Variants in HFM1 observed in about 807,000 individuals in gnomAD.
HFM1 encodes the protein probable ATP-dependent DNA helicase HFM1.
Under a neutral mutation model 192.1 loss-of-function variants are expected in HFM1, and 169 were observed. That is an observed-to-expected ratio of 0.88 (90% CI 0.78 to 1.00). The LOEUF is 1.00. Among genes scored for constraint, HFM1 ranks in the 50% least tolerant of loss-of-function variants. The probability of loss-of-function intolerance (pLI) is 0.00; values close to 1 mark genes in which losing one functional copy is unlikely to be tolerated. For synonymous variants in HFM1, 525 were observed against 537.8 expected (o/e 0.98, Z 0.33); for missense variants, 1,661 against 1,668.0 (o/e 1.00, Z 0.07).
chr1:91,357,358 C>A (rs1247773635), intron 13 of HFM1, among the ~76,000 whole-genome samples: 1 of 152,016 alleles, frequency 6.6e-6, no homozygotes, highest in East Asian at 1.9e-4. Context: ...AACACAAGAC[C>A]ATCTCAATTG....
intron 20 of HFM1, among the ~76,000 whole-genome samples, chr1:91,340,468 T>C (rs1655177034): frequency 1.3e-5 from 2 of 152,176 alleles, no homozygotes; most frequent in Admixed American, 6.5e-5. Flanking sequence ...GTACTAAACA[T>C]AGAAATGAAA....
chr1:91,403,666 A>G (rs1664543807), intron 1 of HFM1, among the ~76,000 whole-genome samples: 1 of 152,204 alleles, frequency 6.6e-6, no homozygotes, highest in Non-Finnish European at 1.5e-5. Flanking sequence ...ACAATAAACA[A>G]TATCATCCCA....
chr1:91,282,370 T>A (rs974537216), intron 30 of HFM1, among the ~76,000 whole-genome samples: 1 of 152,208 alleles, frequency 6.6e-6, no homozygotes, highest in African/African-American at 2.4e-5. Flanking sequence ...TGGTTGCAAT[T>A]TAATCTTTAA....
chr1:91,303,069 T>A (rs754079718), intron 30 of HFM1, among the ~76,000 whole-genome samples: 1 of 152,120 alleles, frequency 6.6e-6, no homozygotes, highest in African/African-American at 2.4e-5. Flanking sequence ...ATTCAGTGGG[T>A]TTTTAGTATA....
chr1:91,278,942 CAT>C (rs931022491), intron 30 of HFM1, among the ~76,000 whole-genome samples: 11 of 151,960 alleles, frequency 7.2e-5, no homozygotes, highest in African/African-American at 2.7e-4. Flanking sequence ...TCTCAAGAAA[CAT>C]AAAAAATAAT....
chr1:91,285,066 G>A (rs549339453), intron 30 of HFM1, among the ~76,000 whole-genome samples: 3 of 152,026 alleles, frequency 2.0e-5, no homozygotes, highest in Non-Finnish European at 4.4e-5. Flanking sequence ...CTTTCGGCTG[G>A]CTCTCATTCT....
Position 91,385,715 on chromosome 1 carries a change from T to C in HFM1, c.614A>G (p.Asn205Ser), listed in dbSNP as rs1167895264. The C allele has an allele frequency of 1.2e-6, 2 of 1,612,810 alleles. No homozygotes were observed. Among genetic ancestry groups the C allele is most frequent in the South Asian group, 1.1e-5 (1 of 91,046 alleles). Residue 205 changes from asparagine (N) to serine (S), a missense_variant, in exon 5 of 39, where the codon AAC (asparagine) becomes AGC (serine). Coordinates refer to ENST00000370425, the MANE Select transcript of HFM1 (RefSeq NM_001017975.6). The stretch of plus-strand genomic sequence containing the variant: ...AAATTTTTGCTTACTATTGCTATAG[T>C]TCCTTGATTTCCCTTTGTTCATTTC... ...QTEMNKGKSR[N>S]YSNSKQKFQY...
chr1:91,336,353 C>T (rs1307956305), intron 20 of HFM1, among the ~76,000 whole-genome samples: 1 of 151,434 alleles, frequency 6.6e-6, no homozygotes, highest in Non-Finnish European at 1.5e-5. Context: ...CTCTGCCCCA[C>T]CATGTTCCCT....
intron 34 of HFM1, among the ~76,000 whole-genome samples, chr1:91,268,379 C>A (rs1160476582): frequency 6.6e-6 from 1 of 151,888 alleles, no homozygotes; most frequent in South Asian, 2.1e-4. Context: ...GCTAAAAAAT[C>A]CTCAGTGTTA....
chr1:91,316,203 T>C lies in HFM1; in HGVS notation c.2899-19A>G, dbSNP rs1448430954. ...TTAAAATCTAAAAATATTTACATCA[T>C]TATATTCTTACCACAACACTTGAAA... On this transcript the variant is annotated intron_variant, in intron 26 of 38. Coordinates refer to ENST00000370425, the MANE Select transcript of HFM1 (RefSeq NM_001017975.6). The C allele has an allele frequency of 4.3e-6, 6 of 1,386,454 alleles. No individual in the cohort carries two copies. The highest frequency in any genetic ancestry group is 6.0e-6 in the Non-Finnish European group (6 of 996,678). The allele number at this position is 1,386,454 out of a possible 1,614,324, so 85.9% of individuals were successfully genotyped here.
Position 91,277,231 on chromosome 1 carries a change from A to G in HFM1, c.3392-169T>C, listed in dbSNP as rs74788239. On this transcript the variant is annotated intron_variant, in intron 30 of 38. Transcript: ENST00000370425. ...ACGTAATTTTTTTTTTAATAAAGAG[A>G]TAGGGTCTTGCTATCTTGCCTAGGC... Among the ~76,000 whole-genome samples the G allele has an allele frequency of 1.6e-3, 242 of 151,228 alleles. 3 individuals are homozygous for G. In the East Asian group the frequency reaches 0.023, roughly 15 times the overall value.
intron 30 of HFM1, among the ~76,000 whole-genome samples, chr1:91,280,567 A>T (rs1318817068): frequency 6.6e-6 from 1 of 152,224 alleles, no homozygotes; most frequent in South Asian, 2.1e-4. Context: ...AGGCCATTTC[A>T]CATTTGCTCC....
At chr1:91,389,474 G>T (rs982269923) in intron 4 of HFM1, among the ~76,000 whole-genome samples, 2 of 152,056 alleles carry the variant, frequency 1.3e-5, no homozygotes, top group Non-Finnish European at 2.9e-5. Flanking sequence ...TTTAGATGAG[G>T]TCATGAGGGT....
chr1:91,376,290 T>A (rs1660900957), intron 11 of HFM1, among the ~76,000 whole-genome samples: 1 of 152,024 alleles, frequency 6.6e-6, no homozygotes, highest in Admixed American at 6.6e-5. Context: ...GCCCAGTTAA[T>A]AATCAGGCTC....
intron 23 of HFM1, among the ~76,000 whole-genome samples, chr1:91,322,274 T>C (rs1652233372): frequency 6.6e-6 from 1 of 152,178 alleles, no homozygotes; most frequent in South Asian, 2.1e-4. Flanking sequence ...AAAGAAAGAA[T>C]GGCCTCCTCT....
chr1:91,386,978 T>C (rs1312221847), intron 4 of HFM1, among the ~76,000 whole-genome samples: 1 of 152,240 alleles, frequency 6.6e-6, no homozygotes, highest in African/African-American at 2.4e-5. Flanking sequence ...GAACTACTTC[T>C]CTGCAAAGTT....
chr1:91,266,715 T>C (rs1304636089), intron 35 of HFM1, among the ~76,000 whole-genome samples: 1 of 152,182 alleles, frequency 6.6e-6, no homozygotes, highest in East Asian at 1.9e-4. Context: ...GTCTTAGGAC[T>C]AGGCTACCTC....
Position 91,394,163 on chromosome 1 carries a change from C to T in HFM1, c.424G>A (p.Val142Ile). 1.9e-6 allele frequency: 3 copies of T among 1,609,548 alleles called. No homozygotes were observed. The South Asian group carries it at 3.3e-5, about 18-fold the overall frequency. Residue 142 changes from valine to isoleucine, a missense_variant, in exon 4 of 39, where the codon GTT (valine) becomes ATT (isoleucine). By Grantham distance (29) the Val-to-Ile change is conservative (BLOSUM62 3). Transcript: ENST00000370425. ...TTAACTAATTTTGTATCATCAGGAA[C>T]ACTCTTCTCAGGTGCTATCTCAGTG... Reference protein sequence around the residue: ...IGTEIAPEKSVPDDTKLVNFA... With the variant: ...IGTEIAPEKSIPDDTKLVNFA...
At chr1:91,394,477 T>A in intron 3 of HFM1, 75 bp from the exon 4 acceptor site, 2 of 894,630 alleles carry the variant, frequency 2.2e-6, no homozygotes, top group Non-Finnish European at 3.4e-6. Context: ...TGAAAAACTT[T>A]AATAAAAATT....
Sources: gnomAD v4.1 joint callset for allele counts (sites outside exome capture counted in the v4.1 genomes callset) on GRCh38, gnomAD v4.1.1 for gene constraint, MANE v1.5 for transcripts, NCBI Gene and HGNC (gene_info 2026-07-23, HGNC 2026-07-21) for gene names.